Variants in FBLN7 observed in about 807,000 individuals in gnomAD.
FBLN7 encodes the protein fibulin-7.
FBLN7 carries 31 observed loss-of-function variants against 44.0 expected under a neutral mutation model. The observed-to-expected ratio is 0.70, with a 90% CI of 0.53 to 0.95. FBLN7 has a LOEUF of 0.95. Among genes scored for constraint, FBLN7 ranks in the 40% least tolerant of loss-of-function variants. The pLI is 0.00. For missense variants in FBLN7, 573 were observed against 618.5 expected (o/e 0.93, Z 0.78); for synonymous variants, 262 against 253.4 (o/e 1.03, Z -0.32).
chr2:112,159,584 C>T (rs1681615097), intron 1 of FBLN7, 92 bp from the exon 2 acceptor site: 1 of 1,403,084 alleles, frequency 7.1e-7, no homozygotes. Flanking sequence ...GCGGTTTGGA[C>T]CCCGTGGCTT....
At chr2:112,236,583 C>T in the FBLN7 span, 1 of 1,613,806 alleles carries the variant, frequency 6.2e-7, no homozygotes, top group South Asian at 1.1e-5. Context: ...AGCCGCTGTT[C>T]CTCAGCAAAG....
chr2:112,197,872 A>G, the FBLN7 span, among the ~76,000 whole-genome samples: 1 of 152,122 alleles, frequency 6.6e-6, no homozygotes, highest in Non-Finnish European at 1.5e-5. Context: ...TTCTTTTTCT[A>G]TTTCTGAAAA....
At chr2:112,192,183 A>G (rs1006189512), downstream of FBLN7, among the ~76,000 whole-genome samples, 5 of 152,196 alleles carry the variant, frequency 3.3e-5, no homozygotes, top group African/African-American at 4.8e-5. Flanking sequence ...GCCCTTTGCT[A>G]TTAAAAATAT....
rs1573785555 is a variant in FBLN7, at chr2:112,159,605, G to A, written c.76-71G>A. ...TGGACCCCGTGGCTTCGGCGATTTC[G>A]GAAGCTCAGACAAGCATGTGGGACT... On this transcript the variant is annotated intron_variant, in intron 1 of 7. Transcript: ENST00000331203. 6.4e-6 allele frequency: 9 copies of A among 1,413,234 alleles called. No individual in the cohort carries two copies. The East Asian group carries it at 8.2e-5, about 13-fold the overall frequency. 87.5% of individuals were successfully genotyped at this position (1,413,234 alleles called of 1,614,324 possible).
downstream of FBLN7, among the ~76,000 whole-genome samples, chr2:112,191,635 C>G (rs72831638): frequency 0.1 from 15,585 of 152,096 alleles, 1,073 homozygotes; most frequent in Non-Finnish European, 0.14. Flanking sequence ...CTAAAAACAG[C>G]TAAAATCATT....
intron 4 of FBLN7, among the ~76,000 whole-genome samples, chr2:112,180,772 A>AT (rs2104600738): frequency 6.6e-6 from 1 of 151,780 alleles, no homozygotes; most frequent in Admixed American, 6.6e-5. Flanking sequence ...AATACAAAAA[A>AT]ATTTGCCCGG....
At chr2:112,183,885 G>T (rs1204752641) in intron 6 of FBLN7, among the ~76,000 whole-genome samples, 1 of 152,130 alleles carries the variant, frequency 6.6e-6, no homozygotes, top group African/African-American at 2.4e-5. Flanking sequence ...GAACAGAGAG[G>T]CTGAGAACCC....
At chr2:112,158,119 G>A (rs569950568) in intron 1 of FBLN7, among the ~76,000 whole-genome samples, 2 of 150,486 alleles carry the variant, frequency 1.3e-5, no homozygotes, top group Non-Finnish European at 3.0e-5. Flanking sequence ...GGATGGTCTC[G>A]ATCTCCTGAC....
chr2:112,222,930 T>C, the FBLN7 span, among the ~76,000 whole-genome samples: 1 of 152,194 alleles, frequency 6.6e-6, no homozygotes, highest in Non-Finnish European at 1.5e-5. Context: ...AGATGGTAAA[T>C]ATTAGGTGTA....
At chr2:112,230,884 T>C in the FBLN7 span, 4 of 1,295,530 alleles carry the variant, frequency 3.1e-6, no homozygotes, top group Admixed American at 3.4e-5. Context: ...AAAAGAAATG[T>C]GGTAAATTCT....
the FBLN7 span, chr2:112,232,018 T>C: frequency 7.4e-6 from 7 of 951,966 alleles, no homozygotes; most frequent in Non-Finnish European, 1.1e-5. Flanking sequence ...AATGACTTTA[T>C]TTTTCCTAAA....
the FBLN7 span, among the ~76,000 whole-genome samples, chr2:112,240,982 T>TGC: frequency 6.4e-5 from 9 of 140,638 alleles, no homozygotes; most frequent in Non-Finnish European, 1.2e-4. Context: ...TGTGTGTGTG[T>TGC]GTGCGCGTGT....
At chr2:112,218,222 A>G in the FBLN7 span, among the ~76,000 whole-genome samples, 1 of 152,224 alleles carries the variant, frequency 6.6e-6, no homozygotes, top group African/African-American at 2.4e-5. Context: ...ATGAGGTTTA[A>G]TAACATTAAT....
intron 1 of FBLN7, among the ~76,000 whole-genome samples, chr2:112,154,854 G>A (rs948827870): frequency 2.6e-5 from 4 of 152,140 alleles, no homozygotes; most frequent in Non-Finnish European, 4.4e-5. Context: ...AGTGCATTGA[G>A]GAATGAGAAT....
intron 4 of FBLN7, chr2:112,176,159 A>G (rs568118641): frequency 3.1e-4 from 67 of 215,114 alleles, no homozygotes; most frequent in African/African-American, 1.3e-3. Context: ...TTGCTTGGTC[A>G]GCATTTCTTA....
chr2:112,241,144 A>G, the FBLN7 span, among the ~76,000 whole-genome samples: 1 of 152,078 alleles, frequency 6.6e-6, no homozygotes, highest in Non-Finnish European at 1.5e-5. Context: ...TGGGGCTATA[A>G]ATGAGAATGA....
the FBLN7 span, among the ~76,000 whole-genome samples, chr2:112,222,001 T>TCAATCTTTGAAGTTG: frequency 6.6e-6 from 1 of 152,184 alleles, no homozygotes; most frequent in Non-Finnish European, 1.5e-5. Context: ...CTGATGTTCT[T>TCAATCTTTGAAGTTG]CAATCTTTGA....
At chr2:112,224,053 C>T in the FBLN7 span, among the ~76,000 whole-genome samples, 1 of 152,046 alleles carries the variant, frequency 6.6e-6, no homozygotes, top group African/African-American at 2.4e-5. Flanking sequence ...GCAGGAGAAT[C>T]GCTTCAGCCT....
the FBLN7 span, among the ~76,000 whole-genome samples, chr2:112,234,988 A>G: frequency 1.3e-5 from 2 of 152,136 alleles, no homozygotes; most frequent in Admixed American, 6.5e-5. Context: ...GCTCAAATTA[A>G]CACACGCAAC....
Sources: allele counts gnomAD v4.1 joint callset (sites outside exome capture counted in the v4.1 genomes callset), GRCh38; gene constraint gnomAD v4.1.1; transcripts MANE v1.5; gene names NCBI Gene and HGNC (gene_info 2026-07-23, HGNC 2026-07-21).